WDR55: variants seen among roughly 807,000 people sequenced by gnomAD.
The protein encoded by WDR55 is WD repeat domain 55, also known as WD repeat-containing protein 55.
WDR55 carries 31 observed loss-of-function variants against 34.0 expected under a neutral mutation model. That is an observed-to-expected ratio of 0.91 (90% CI 0.69 to 1.23). WDR55 has a LOEUF of 1.23. Among genes scored for constraint, WDR55 ranks in the 50% most tolerant of loss-of-function variants. The pLI is 0.00. For synonymous variants in WDR55, 164 were observed against 185.9 expected (o/e 0.88, Z 0.96); for missense variants, 440 against 494.6 (o/e 0.89, Z 1.05).
chr5:140,666,798 A>C, intron 1 of WDR55: 1 of 985,430 alleles, frequency 1.0e-6, no homozygotes, highest in Non-Finnish European at 1.2e-6. Context: ...ATATGACTAG[A>C]ATGTGAAAAA....
In WDR55 at chr5:140,669,140, G is replaced by T. The variant is rs1758000432; in HGVS notation, c.722G>T (p.Gly241Val). 2 of 1,614,162 alleles carry T rather than the reference G, an allele frequency of 1.2e-6. No homozygotes were observed. Among genetic ancestry groups the T allele is most frequent in the Non-Finnish European group, 1.7e-6 (2 of 1,180,046 alleles). Residue 241 changes from glycine to valine, a missense_variant, in exon 6 of 7, where the codon GGC becomes GTC. Gly to Val is a moderately radical substitution (Grantham distance 109). Coordinates refer to ENST00000358337, the MANE Select transcript of WDR55 (RefSeq NM_017706.5). Reference protein sequence around the residue: ...EGTIYLFNWNGFGATSDRFAL... With the variant: ...EGTIYLFNWNVFGATSDRFAL... ...ACCATCTACCTCTTCAATTGGAATG[G>T]CTTTGGGGCCACAAGTGACCGCTTT...
intron 1 of WDR55, chr5:140,667,650 T>G (rs995302221): frequency 6.6e-6 from 1 of 152,316 alleles, no homozygotes; most frequent in Non-Finnish European, 1.5e-5. Context: ...TAAGCATGTA[T>G]TCATTCTGCC....
At position 140,668,748 on chromosome 5, in the gene WDR55, G is replaced by C; in HGVS notation, c.517G>C (p.Asp173His). The C allele has an allele frequency of 6.2e-7, 1 of 1,614,200 alleles. No individual in the cohort carries two copies. Among genetic ancestry groups the C allele is most frequent in the Non-Finnish European group, 8.5e-7 (1 of 1,180,016 alleles). The stretch of plus-strand genomic sequence containing the variant: ...GAGGCAACATGAAGAGTACATCGCA[G>C]ACATGGCTCTGGATCCAGCCAAAAA... ...DMRQHEEYIA[D>H]MALDPAKKLL... is the part of the protein sequence containing the mutation. The change falls in exon 4 of 7, where the codon GAC becomes CAC. Residue 173 changes from aspartate to histidine, a missense_variant. By Grantham distance (81) the Asp-to-His change is moderately conservative. Transcript: ENST00000358337.
chr5:140,668,025 C>G (rs544167713), intron 1 of WDR55: 4 of 489,746 alleles, frequency 8.2e-6, no homozygotes, highest in Non-Finnish European at 1.4e-5. Flanking sequence ...CGCAAATATA[C>G]CTTGAACTAA....
intron 1 of WDR55, among the ~76,000 whole-genome samples, chr5:140,666,282 G>C (rs1470641356): frequency 6.6e-6 from 1 of 151,942 alleles, no homozygotes; most frequent in Non-Finnish European, 1.5e-5. Flanking sequence ...TGTAATCCCA[G>C]CTTCTCGGGA....
intron 1 of WDR55, chr5:140,667,934 T>C (rs1436680737): frequency 4.3e-6 from 1 of 233,972 alleles, no homozygotes; most frequent in Non-Finnish European, 8.3e-6. Flanking sequence ...TCCTCCACAG[T>C]GGTCCAGACC....
chr5:140,664,985 C>G lies in WDR55; in HGVS notation c.73C>G (p.Pro25Ala). Residue 25 changes from proline to alanine, a missense_variant, in exon 1 of 7, where the codon CCA (proline) becomes GCA (alanine). Pro to Ala is a conservative substitution (Grantham distance 27). Transcript: ENST00000358337. ...GGAGGACCCAGACTCCATGGAAGCC[C>G]CAACCCGGATCCGGGACACTCCGGA... ...DEEDPDSMEA[P>A]TRIRDTPEDI... The G allele has an allele frequency of 2.5e-6, 4 of 1,613,736 alleles. No homozygotes were observed. Among genetic ancestry groups the G allele is most frequent in the Non-Finnish European group, 3.4e-6 (4 of 1,179,840 alleles).
At chr5:140,665,247 C>A in intron 1 of WDR55, 144 bp downstream of exon 1, 1 of 693,804 alleles carries the variant, frequency 1.4e-6, no homozygotes. Context: ...TTCGGCTCTT[C>A]TATCACACCA....
chr5:140,671,177 G>A lies in WDR55; in HGVS notation c.*1523G>A, dbSNP rs1758062915. ...CCCAGCAGGGAGGCTGATGGGCCTG[G>A]GCCCATGCCCCTCCCCACCTTTGGG... is the stretch of plus-strand genomic sequence containing the variant. On this transcript the variant is annotated 3_prime_UTR_variant, in exon 7 of 7. Transcript: ENST00000358337. 2.2e-6 allele frequency: 3 copies of A among 1,346,884 alleles called. No individual in the cohort carries two copies. Among genetic ancestry groups the A allele is most frequent in the Non-Finnish European group, 3.2e-6 (3 of 948,778 alleles). 83.4% of individuals were successfully genotyped at this position (1,346,884 alleles called of 1,614,324 possible).
rs762898641 is a variant in WDR55 at position 140,671,306 on chromosome 5, A to G, written c.*1652A>G. ...GAAAGAATGGAGTCACTGTTTAACC[A>G]TGGTACCTGCCTCAGCCCCAGCAGA... On this transcript the variant is annotated 3_prime_UTR_variant, in exon 7 of 7. Transcript: ENST00000358337. 1 of 1,612,878 alleles carries G rather than the reference A, an allele frequency of 6.2e-7. No homozygotes were observed. The highest frequency in any genetic ancestry group is 8.5e-7 in the Non-Finnish European group (1 of 1,179,972).
chr5:140,668,611 G>T lies in WDR55; in HGVS notation c.381-1G>T. 1 of 1,613,188 alleles carries T rather than the reference G, an allele frequency of 6.2e-7. No individual in the cohort carries two copies. Among genetic ancestry groups the T allele is most frequent in the South Asian group, 1.1e-5 (1 of 90,942 alleles). On this transcript the variant is annotated splice_acceptor_variant, in intron 3 of 6. Coordinates refer to ENST00000358337, the MANE Select transcript of WDR55 (RefSeq NM_017706.5). LOFTEE classifies it high-confidence loss of function. Reference sequence around the variant, plus strand: ...AAGAAGTTCTACATCTGTGTCTCTAGTGCCCCCATCAATAGTCTTCTGCTG... The same window carrying T: ...AAGAAGTTCTACATCTGTGTCTCTATTGCCCCCATCAATAGTCTTCTGCTG...
Position 140,669,846 on chromosome 5 carries a change from A to T in WDR55, c.*192A>T. On this transcript the variant is annotated 3_prime_UTR_variant, in exon 7 of 7. Transcript: ENST00000358337. ...CAGGCTCAGATTGTCCTTCCACCTTAGCCTCTGGAGCAGCTGGGACTACAG... is the reference window on the plus strand; with the variant it reads ...CAGGCTCAGATTGTCCTTCCACCTTTGCCTCTGGAGCAGCTGGGACTACAG... 1.6e-6 allele frequency: 1 copy of T among 614,184 alleles called. No homozygotes were observed. The allele number at this position is 614,184 out of a possible 1,614,324, so 38.0% of individuals were successfully genotyped here. A position where few individuals can be genotyped will look rare whatever the true frequency, so the allele number is the denominator to read the frequency against.
chr5:140,671,868 G>A lies in WDR55; in HGVS notation c.*2214G>A. ...TGTAGCCTTCCCATTTCCTGGTAGTGTGACCATGGGTAAGAAAAGACAATG... is the reference window on the plus strand; with the variant it reads ...TGTAGCCTTCCCATTTCCTGGTAGTATGACCATGGGTAAGAAAAGACAATG... On this transcript the variant is annotated 3_prime_UTR_variant, in exon 7 of 7. Transcript: ENST00000358337. 2 of 1,134,630 alleles carry A rather than the reference G, an allele frequency of 1.8e-6. No individual in the cohort carries two copies. Among genetic ancestry groups the A allele is most frequent in the South Asian group, 1.3e-5 (1 of 74,944 alleles). The allele number at this position is 1,134,630 out of a possible 1,614,324, so 70.3% of individuals were successfully genotyped here. A position where few individuals can be genotyped will look rare whatever the true frequency, so the allele number is the denominator to read the frequency against.
rs148957130 is a variant in WDR55 at position 140,671,663 on chromosome 5, G to A, written c.*2009G>A. 3.5e-5 allele frequency: 56 copies of A among 1,582,838 alleles called. No individual in the cohort carries two copies. The highest frequency in any genetic ancestry group is 4.6e-5 in the Non-Finnish European group (53 of 1,164,632). On this transcript the variant is annotated 3_prime_UTR_variant, in exon 7 of 7. Transcript: ENST00000358337. ...CTCTGGCTGTGGGGACCGCAAGAAG[G>A]GACCCACAAGCTGCTGGCGAAGTCG...
rs77628038 is a variant in WDR55, at chr5:140,669,586, C to A, written c.1084C>A (p.Leu362Met). Residue 362 changes from leucine (L) to methionine (M), a missense_variant, in exon 7 of 7, where the codon CTG (leucine) becomes ATG (methionine). Leu to Met is a conservative substitution (Grantham distance 15). Transcript: ENST00000358337. The stretch of plus-strand genomic sequence containing the variant: ...GAGCACCGATGACTTCTTCGCAGGA[C>A]TGAGGGAAGAGGGAGAAGACTCCAT... ...TWSTDDFFAG[L>M]REEGEDSMAQ... 1.2e-6 allele frequency: 2 copies of A among 1,614,106 alleles called. No individual in the cohort carries two copies. Among genetic ancestry groups the A allele is most frequent in the East Asian group, 4.5e-5 (2 of 44,890 alleles).
Position 140,669,343 on chromosome 5 carries a change from AT to A in WDR55, c.842del (p.Ile281ThrfsTer68), listed in dbSNP as rs1257575907. ...STDGVIRAVN[I>X]LPNRVVGSVG... ...TCTTTCCCTGCCCAGGGCTGTGAAC[AT>A]CCTACCGAACCGAGTGGTGGGCAGT... On this transcript the variant is annotated frameshift_variant, in exon 7 of 7. Coordinates refer to ENST00000358337, the MANE Select transcript of WDR55 (RefSeq NM_017706.5). LOFTEE classifies it high-confidence loss of function. 1 of 1,610,762 alleles carries A rather than the reference AT, an allele frequency of 6.2e-7. No individual in the cohort carries two copies. Among genetic ancestry groups the A allele is most frequent in the Non-Finnish European group, 8.5e-7 (1 of 1,177,464 alleles).
intron 1 of WDR55, among the ~76,000 whole-genome samples, chr5:140,665,865 G>A (rs578112327): frequency 2.1e-5 from 3 of 145,172 alleles, no homozygotes; most frequent in Non-Finnish European, 3.1e-5. Context: ...GCCCGGTGTG[G>A]TGGCGCGGGC....
Position 140,668,659 on chromosome 5 carries a change from C to T in WDR55, c.428C>T (p.Thr143Ile). 1 of 1,614,134 alleles carries T rather than the reference C, an allele frequency of 6.2e-7. No homozygotes were observed. Among genetic ancestry groups the T allele is most frequent in the Non-Finnish European group, 8.5e-7 (1 of 1,179,994 alleles). ...LLLVDENVLA[T>I]GDDTGGICLW... Reference sequence around the variant, plus strand: ...CTGGTGGATGAGAATGTTCTGGCCACTGGGGATGACACAGGTGGTATCTGT... The same window carrying T: ...CTGGTGGATGAGAATGTTCTGGCCATTGGGGATGACACAGGTGGTATCTGT... The change falls in exon 4 of 7, where the codon ACT becomes ATT. Residue 143 changes from threonine to isoleucine, a missense_variant. By Grantham distance (89) the Thr-to-Ile change is moderately conservative. Transcript: ENST00000358337.
Position 140,668,327 on chromosome 5 carries a change from T to TG in WDR55, c.288dup (p.Gln97AlafsTer36). 1 of 1,614,162 alleles carries TG rather than the reference T, an allele frequency of 6.2e-7. No individual in the cohort carries two copies. Among genetic ancestry groups the TG allele is most frequent in the Non-Finnish European group, 8.5e-7 (1 of 1,180,020 alleles). ...GCCGAGCTGTGGCCTTCTCTGAAGA[T>TG]GGGCAGAGTGAGTACTGGGGAAGAC... On this transcript the variant is annotated frameshift_variant, in exon 2 of 7. Coordinates refer to ENST00000358337, the MANE Select transcript of WDR55 (RefSeq NM_017706.5). LOFTEE classifies it high-confidence loss of function.
Sources: gnomAD v4.1 joint callset for allele counts (sites outside exome capture counted in the v4.1 genomes callset) on GRCh38, gnomAD v4.1.1 for gene constraint, MANE v1.5 for transcripts, NCBI Gene and HGNC (gene_info 2026-07-23, HGNC 2026-07-21) for gene names.